The following SPTB variants were observed in gnomAD, a reference collection of about 807,000 sequenced individuals.
The protein encoded by SPTB is spectrin beta, erythrocytic.
A neutral mutation model predicts 256.2 loss-of-function variants in SPTB; 45 were observed. The ratio of observed to expected loss-of-function variants is 0.18; its 90% CI spans 0.14 to 0.23. The LOEUF (loss-of-function observed/expected upper bound fraction) is 0.23, where lower values mean the gene tolerates loss of function less well. SPTB is among the 10% of genes least tolerant of loss of function. The pLI, the probability that SPTB is intolerant of heterozygous loss-of-function variation, is 1.00. For missense variants in SPTB, 2,715 were observed against 3,040.4 expected, an observed-to-expected ratio of 0.89 and a Z score of 2.52; for synonymous variants, 1,231 against 1,243.1, an observed-to-expected ratio of 0.99 and a Z score of 0.21.
chr14:64,855,520 AT>A (rs1377459157), intron 1 of SPTB, among the ~76,000 whole-genome samples: 1 of 65,130 alleles, frequency 1.5e-5, no homozygotes, highest in African/African-American at 5.7e-5. Context: ...TATTATTATT[AT>A]TTTTAAATCT....
chr14:64,749,635 C>T lies in SPTB; in HGVS notation c.6819+19G>A, dbSNP rs2081912157. On this transcript the variant is annotated intron_variant, in intron 35 of 35. Coordinates refer to ENST00000644917, the MANE Select transcript of SPTB (RefSeq NM_001355436.2). This position sits in a 1 kb window ranked among gnomAD's most constrained non-coding sequence, Gnocchi z 4.7. ...TACCCCCTTCTTAGCCAGGTCTGGG[C>T]TAGGCTGCCCGCGCTTACCTCATCC... 6.2e-7 allele frequency: 1 copy of T among 1,613,420 alleles called. No homozygotes were observed. Among genetic ancestry groups the T allele is most frequent in the Non-Finnish European group, 8.5e-7 (1 of 1,179,906 alleles).
rs751673185 is a variant in SPTB, at chr14:64,766,741, G to A, written c.6330C>T (p.Thr2110=). 18 of 1,613,088 alleles carry A rather than the reference G, an allele frequency of 1.1e-5. No homozygotes were observed. Among genetic ancestry groups the A allele is most frequent in the East Asian group, 8.9e-5 (4 of 44,886 alleles). The part of the protein sequence containing the change: ...GEAPVSHHAA[T]ERTSPGEEEG... ...AGAGACTGACCGGGGACGTTCTCTC[G>A]GTGGCCGCATGGTGGGAAACTGGAG... The change falls in exon 32 of 36, where the codon ACC becomes ACT. Residue 2110 remains threonine (T), a synonymous_variant. Transcript: ENST00000644917.
chr14:64,786,602 C>T lies in SPTB; in HGVS notation c.3363G>A (p.Lys1121=). 1 of 1,614,248 alleles carries T rather than the reference C, an allele frequency of 6.2e-7. No individual in the cohort carries two copies. The highest frequency in any genetic ancestry group is 8.5e-7 in the Non-Finnish European group (1 of 1,180,040). ...DGHQDSYQRV[K]ESGEKVIQGQ... ...CTTGGATCACTTTCTCCCCAGACTC[C>T]TTAACACGCTGGTAGCTGTCTTGGT... Residue 1121 remains lysine (K), a synonymous_variant, in exon 16 of 36, where the codon AAG becomes AAA. Coordinates refer to ENST00000644917, the MANE Select transcript of SPTB (RefSeq NM_001355436.2). This position sits in a 1 kb window ranked among gnomAD's most constrained non-coding sequence, Gnocchi z 5.6.
At chr14:64,856,850 C>A (rs1399898738) in intron 1 of SPTB, among the ~76,000 whole-genome samples, 1 of 152,286 alleles carries the variant, frequency 6.6e-6, no homozygotes, top group Middle Eastern at 3.4e-3. Context: ...AAGGATGGCT[C>A]CAGAGAAAAC....
intron 32 of SPTB, chr14:64,763,937 C>T (rs2082130019): frequency 1.9e-6 from 1 of 512,954 alleles, no homozygotes; most frequent in South Asian, 1.4e-5. Context: ...TGGGGTGCCA[C>T]CCTGTGGTGT....
chr14:64,793,562 G>A lies in SPTB; in HGVS notation c.2101C>T (p.His701Tyr), dbSNP rs781545542. The A allele has an allele frequency of 2.5e-6, 4 of 1,614,156 alleles. No individual in the cohort carries two copies. Among genetic ancestry groups the A allele is most frequent in the South Asian group, 1.1e-5 (1 of 91,076 alleles). ...AHLEQIFQEA[H>Y]GMVARKQFGH... is the part of the protein sequence containing the mutation. The stretch of plus-strand genomic sequence containing the variant: ...AACTGCTTGCGCGCAACCATGCCAT[G>A]AGCCTCCTGGAAGATCTGCTCCAGG... The change falls in exon 14 of 36, where the codon CAT becomes TAT. Residue 701 changes from histidine (H) to tyrosine (Y), a missense_variant. Physicochemically the swap from His to Tyr is moderately conservative, Grantham distance 83. Transcript: ENST00000644917. This position sits in a 1 kb window ranked among gnomAD's most constrained non-coding sequence, Gnocchi z 7.0.
chr14:64,772,470 A>C lies in SPTB; in HGVS notation c.5553+110T>G. On this transcript the variant is annotated intron_variant, in intron 26 of 35. Transcript: ENST00000644917. This position sits in a 1 kb window ranked among gnomAD's most constrained non-coding sequence, Gnocchi z 5.4. ...GAGCTCCTGGCTGTCTAAGGAGGCA[A>C]AACCTCCTGGCACTTATCCTAGAGG... The C allele has an allele frequency of 6.8e-7, 1 of 1,470,500 alleles. No homozygotes were observed. Among genetic ancestry groups the C allele is most frequent in the Non-Finnish European group, 9.1e-7 (1 of 1,098,056 alleles). The allele number at this position is 1,470,500 out of a possible 1,614,324, so 91.1% of individuals were successfully genotyped here. A position where few individuals can be genotyped will look rare whatever the true frequency, so the allele number is the denominator to read the frequency against.
chr14:64,871,649 A>T (rs1882539117), intron 1 of SPTB, among the ~76,000 whole-genome samples: 2 of 152,260 alleles, frequency 1.3e-5, no homozygotes, highest in Non-Finnish European at 2.9e-5. Flanking sequence ...TGACTTTAAA[A>T]TGTATCAGGC....
chr14:64,853,364 C>T lies in SPTB; in HGVS notation c.-52+26428G>A, dbSNP rs2083816336. Among the ~76,000 whole-genome samples, 1 of 152,178 alleles carries T rather than the reference C, an allele frequency of 6.6e-6. No individual in the cohort carries two copies. Among genetic ancestry groups the T allele is most frequent in the South Asian group, 2.1e-4 (1 of 4,830 alleles). On this transcript the variant is annotated intron_variant, in intron 1 of 35. Transcript: ENST00000644917. The surrounding 1 kb of genome is among the most constrained non-coding windows in gnomAD (Gnocchi z 4.3). ...GGTGAACCCTGGAGAACCTCTTCCT[C>T]AGGATATGCCCAGGAAGCCATCAAA... is the stretch of plus-strand genomic sequence containing the variant.
chr14:64,821,550 G>A (rs1219354106), intron 2 of SPTB, among the ~76,000 whole-genome samples: 1 of 151,476 alleles, frequency 6.6e-6, no homozygotes, highest in Non-Finnish European at 1.5e-5. Context: ...AGCCAGCACA[G>A]AGATATAAGA....
chr14:64,747,379 C>T lies in SPTB; in HGVS notation c.*1927G>A, dbSNP rs1007394856. Reference sequence around the variant, plus strand: ...TTGCTAGGTGAGTGCAGTCACCTCACTGCCTTGGTTTCCCCAGATACAGAA... The same window carrying T: ...TTGCTAGGTGAGTGCAGTCACCTCATTGCCTTGGTTTCCCCAGATACAGAA... On this transcript the variant is annotated 3_prime_UTR_variant, in exon 36 of 36. Transcript: ENST00000644917. The T allele has an allele frequency of 2.0e-5, 3 of 152,730 alleles. No homozygotes were observed. Among genetic ancestry groups the T allele is most frequent in the Admixed American group, 6.5e-5 (1 of 15,290 alleles). The allele number at this position is 152,730 out of a possible 1,614,324, so 9.5% of individuals were successfully genotyped here. A position where few individuals can be genotyped will look rare whatever the true frequency, so the allele number is the denominator to read the frequency against.
chr14:64,791,494 A>T (rs1182678669), intron 15 of SPTB, among the ~76,000 whole-genome samples: 1 of 135,626 alleles, frequency 7.4e-6, no homozygotes, highest in East Asian at 2.4e-4. Context: ...TGAACCCAGG[A>T]GGTGGAAGTT....
intron 32 of SPTB, 165 bp from the exon 33 acceptor site, chr14:64,753,958 T>G (rs1481109053): frequency 1.2e-6 from 1 of 861,682 alleles, no homozygotes; most frequent in Non-Finnish European, 1.9e-6. Flanking sequence ...CAACCTGCTA[T>G]GGGTGCCCCC....
rs1024193002 is a variant in SPTB, at chr14:64,775,880, T to G, written c.4564-477A>C. The stretch of plus-strand genomic sequence containing the variant: ...AACCCAGCAGCTCAGGTGGGCACAG[T>G]TTTTGCCTTCCATCTAAAAGAACAG... On this transcript the variant is annotated intron_variant, in intron 22 of 35. Coordinates refer to ENST00000644917, the MANE Select transcript of SPTB (RefSeq NM_001355436.2). This position sits in a 1 kb window ranked among gnomAD's most constrained non-coding sequence, Gnocchi z 5.0. Among the ~76,000 whole-genome samples the G allele has an allele frequency of 3.9e-5, 6 of 152,192 alleles. No homozygotes were observed. Among genetic ancestry groups the G allele is most frequent in the Admixed American group, 2.0e-4 (3 of 15,274 alleles).
In SPTB at chr14:64,799,900, A is replaced by G; in HGVS notation, c.911T>C (p.Ile304Thr). The G allele has an allele frequency of 3.1e-6, 5 of 1,614,244 alleles. No homozygotes were observed. The highest frequency in any genetic ancestry group is 1.3e-5 in the African/African-American group (1 of 75,072). Residue 304 changes from isoleucine (I) to threonine (T), a missense_variant, in exon 9 of 36, where the codon ATT (isoleucine) becomes ACT (threonine). By Grantham distance (89) the Ile-to-Thr change is moderately conservative (BLOSUM62 -1). This residue lies in a region of SPTB where 416 missense variants were observed against 571.1 expected (regional missense o/e 0.73). Transcript: ENST00000644917. ...IDHAIETEKM[I>T]EKYSGLASDL... ...CGAGGCTAGCCCGCTGTACTTTTCA[A>G]TCATCTTCTCAGTCTCAATGGCATG...
rs2082752237 is a variant in SPTB at position 64,795,556 on chromosome 14, C to T, written c.1425G>A (p.Glu475=). 6.2e-7 allele frequency: 1 copy of T among 1,614,064 alleles called. No individual in the cohort carries two copies. Among genetic ancestry groups the T allele is most frequent in the South Asian group, 1.1e-5 (1 of 91,078 alleles). The part of the protein sequence containing the change: ...EAIETDTAAY[E]ERVRALEDLA... ...GGTCCTCCAGGGCTCTCACCCGCTC[C>T]TCGTAGGCAGCCGTGTCGGTCTCGA... The change falls in exon 12 of 36, where the codon GAG becomes GAA. Residue 475 remains glutamate, a synonymous_variant. Coordinates refer to ENST00000644917, the MANE Select transcript of SPTB (RefSeq NM_001355436.2). The surrounding 1 kb of genome is among the most constrained non-coding windows in gnomAD (Gnocchi z 6.5).
At chr14:64,879,554 G>A (rs1883008169) in intron 1 of SPTB, among the ~76,000 whole-genome samples, 1 of 152,212 alleles carries the variant, frequency 6.6e-6, no homozygotes, top group South Asian at 2.1e-4. Context: ...AAGTGCCTCG[G>A]ACGCCCGCGC....
At chr14:64,763,599 C>T (rs94789) in intron 32 of SPTB, among the ~76,000 whole-genome samples, 49,409 of 152,150 alleles carry the variant, frequency 0.32, 10,401 homozygotes, top group African/African-American at 0.6. Context: ...TTTATAAGAG[C>T]GCGGAGACTC....
Position 64,749,263 on chromosome 14 carries a change from TCTCTGCGCGTCCCGA to T in SPTB, c.*28_*42del, listed in dbSNP as rs1480633830. On this transcript the variant is annotated 3_prime_UTR_variant, in exon 36 of 36. Transcript: ENST00000644917. The surrounding 1 kb of genome is among the most constrained non-coding windows in gnomAD (Gnocchi z 4.7). ...GGAGGCCAAGGCCTGGGCTGCCCGGTCTCTGCGCGTCCCGACTCCGCCGCGCCCGCCAGCCCCACC... is the reference window on the plus strand; with the variant it reads ...GGAGGCCAAGGCCTGGGCTGCCCGGTCTCCGCCGCGCCCGCCAGCCCCACC... 1.3e-6 allele frequency: 2 copies of T among 1,540,696 alleles called. No homozygotes were observed. Among genetic ancestry groups the T allele is most frequent in the Admixed American group, 3.9e-5 (2 of 51,614 alleles).
Sources: gnomAD v4.1 joint callset for allele counts (sites outside exome capture counted in the v4.1 genomes callset) on GRCh38, gnomAD v4.1.1 for gene constraint, gnomAD v4.1.1 regional missense constraint, Gnocchi (gnomAD v3.1) non-coding constraint, MANE v1.5 for transcripts, NCBI Gene and HGNC (gene_info 2026-07-23, HGNC 2026-07-21) for gene names.